The following COL9A1 variants were observed in gnomAD, a reference collection of about 807,000 sequenced individuals.
COL9A1 encodes collagen type IX alpha 1 chain.
In COL9A1, 104 loss-of-function variants were observed where a neutral mutation model predicts 142.6. That is an observed-to-expected ratio of 0.73 (90% CI 0.62 to 0.86). The LOEUF (loss-of-function observed/expected upper bound fraction) is 0.86, where lower values mean the gene tolerates loss of function less well. COL9A1 is among the 40% of genes least tolerant of loss of function. COL9A1 has a pLI of 0.00. For missense variants in COL9A1, 1,210 were observed against 1,176.6 expected (o/e 1.03, Z -0.42); for synonymous variants, 466 against 396.0 (o/e 1.18, Z -2.10).
chr6:70,241,434 AC>A lies in COL9A1; in HGVS notation c.2018del (p.Gly673ValfsTer24). 2 of 1,611,078 alleles carry A rather than the reference AC, an allele frequency of 1.2e-6. No homozygotes were observed. Among genetic ancestry groups the A allele is most frequent in the Non-Finnish European group, 1.7e-6 (2 of 1,177,182 alleles). ...TAAGACTGACCTGTTCACCCTTTGG[AC>A]CCGGTTCACCGACTACACCCTGTAA... ...KGDRGVVGEPGPKGEQGASGE... is the reference protein window; with the variant it reads ...KGDRGVVGEPXPKGEQGASGE... On this transcript the variant is annotated frameshift_variant, in exon 31 of 38. Coordinates refer to ENST00000357250, the MANE Select transcript of COL9A1 (RefSeq NM_001851.6). LOFTEE classifies it high-confidence loss of function.
intron 32 of COL9A1, 47 bp from the exon 33 acceptor site, chr6:70,239,333 G>C (rs780405337): frequency 3.2e-6 from 4 of 1,264,116 alleles, no homozygotes; most frequent in African/African-American, 1.5e-5. Context: ...ATTCACATTT[G>C]ATAATTTCCT....
chr6:70,280,006 G>A, intron 10 of COL9A1: 2 of 699,424 alleles, frequency 2.9e-6, no homozygotes, highest in South Asian at 1.6e-5. Context: ...CAAAATCAAG[G>A]ACTGGTCTGT....
At chr6:70,256,697 T>C (rs1771317567) in intron 21 of COL9A1, 71 bp downstream of exon 21, 3 of 1,253,550 alleles carry the variant, frequency 2.4e-6, no homozygotes, top group South Asian at 2.5e-5. Context: ...TAAACAATAC[T>C]GCACACACAT....
chr6:70,255,202 C>G lies in COL9A1; in HGVS notation c.1559G>C (p.Gly520Ala). 6.2e-7 allele frequency: 1 copy of G among 1,614,070 alleles called. No homozygotes were observed. The highest frequency in any genetic ancestry group is 8.5e-7 in the Non-Finnish European group (1 of 1,179,980). Residue 520 changes from glycine (G) to alanine (A), a missense_variant and splice_region_variant, in exon 23 of 38, where the codon GGG (glycine) becomes GCG (alanine). Physicochemically the swap from Gly to Ala is moderately conservative, Grantham distance 60. Transcript: ENST00000357250. ...AGGAATTCCTCTAGCACCTTCAGCCCCCTGCAGGGAGGAAGAGAAAGAATA... is the reference window on the plus strand; with the variant it reads ...AGGAATTCCTCTAGCACCTTCAGCCGCCTGCAGGGAGGAAGAGAAAGAATA... ...PGEAGPKGDR[G>A]AEGARGIPGL...
intron 17 of COL9A1, among the ~76,000 whole-genome samples, chr6:70,268,318 G>T (rs1772163034): frequency 6.6e-6 from 1 of 151,866 alleles, no homozygotes; most frequent in Non-Finnish European, 1.5e-5. Flanking sequence ...GAGCTCAAGT[G>T]ATCCTCCCAC....
chr6:70,278,229 C>G (rs777967571), intron 10 of COL9A1, among the ~76,000 whole-genome samples: 1 of 152,158 alleles, frequency 6.6e-6, no homozygotes, highest in Admixed American at 6.5e-5. Flanking sequence ...TTCACTATCA[C>G]TTTTTCTCTC....
chr6:70,254,562 C>G, intron 24 of COL9A1, 33 bp from the exon 25 acceptor site: 2 of 1,599,972 alleles, frequency 1.3e-6, no homozygotes, highest in Non-Finnish European at 1.7e-6. Context: ...ATGATTGAAC[C>G]TGTATGAGCT....
intron 8 of COL9A1, 58 bp downstream of exon 8, chr6:70,281,332 A>G (rs1170149669): frequency 2.6e-6 from 4 of 1,517,916 alleles, no homozygotes; most frequent in Middle Eastern, 1.8e-4. Context: ...GAGCCCTGGG[A>G]AAAGAATAGG....
At position 70,268,832 on chromosome 6, in the gene COL9A1, G is replaced by T; in HGVS notation, c.1259C>A (p.Ser420Ter). Reference sequence around the variant, plus strand: ...CATGCCTGGTAGGCCTGGATATCCTGAGCGACCTGGTGGACAGGCATTGGG... The same window carrying T: ...CATGCCTGGTAGGCCTGGATATCCTTAGCGACCTGGTGGACAGGCATTGGG... The part of the protein sequence containing the change: ...LCPNACPPGR[S>*]GYPGLPGMRG... The change falls in exon 17 of 38, where the codon TCA becomes TAA. Residue 420 changes from serine (S) to a stop codon, truncating the protein, a stop_gained. Coordinates refer to ENST00000357250, the MANE Select transcript of COL9A1 (RefSeq NM_001851.6). LOFTEE classifies it high-confidence loss of function. The T allele has an allele frequency of 1.2e-6, 2 of 1,613,922 alleles. No individual in the cohort carries two copies. Among genetic ancestry groups the T allele is most frequent in the South Asian group, 2.2e-5 (2 of 91,054 alleles).
chr6:70,245,643 CA>C (rs1770547941), intron 28 of COL9A1: 1 of 152,018 alleles, frequency 6.6e-6, no homozygotes, highest in Admixed American at 6.6e-5. Context: ...GGAATAAAGG[CA>C]AAAATCCTAC....
chr6:70,295,445 C>T (rs1421697942), intron 4 of COL9A1, among the ~76,000 whole-genome samples: 6 of 151,746 alleles, frequency 4.0e-5, no homozygotes, highest in Non-Finnish European at 8.8e-5. Context: ...CACCATTATG[C>T]CTGGCTAATT....
chr6:70,301,878 G>T, intron 2 of COL9A1, 123 bp downstream of exon 2: 1 of 792,780 alleles, frequency 1.3e-6, no homozygotes, highest in Non-Finnish European at 2.1e-6. Flanking sequence ...CCCCAAAGCT[G>T]GATTGAAGAG....
chr6:70,265,326 G>T (rs1470539274), intron 18 of COL9A1, among the ~76,000 whole-genome samples: 1 of 151,986 alleles, frequency 6.6e-6, no homozygotes, highest in African/African-American at 2.4e-5. Context: ...GAAGGAGAAA[G>T]GGATACAAAC....
chr6:70,223,773 C>T (rs576044589), intron 37 of COL9A1, among the ~76,000 whole-genome samples: 37 of 152,336 alleles, frequency 2.4e-4, no homozygotes, highest in Middle Eastern at 3.4e-3. Flanking sequence ...TAATCTGGAA[C>T]TCAGATTTGT....
At chr6:70,249,520 G>T (rs916847668) in intron 28 of COL9A1, among the ~76,000 whole-genome samples, 3 of 152,046 alleles carry the variant, frequency 2.0e-5, no homozygotes, top group African/African-American at 7.2e-5. Context: ...CCTGAGCCAG[G>T]GTGATAGTAG....
Position 70,216,778 on chromosome 6 carries a change from G to T in COL9A1, c.*119C>A. 1.0e-6 allele frequency: 1 copy of T among 988,230 alleles called. No individual in the cohort carries two copies. The highest frequency in any genetic ancestry group is 1.6e-6 in the Non-Finnish European group (1 of 632,546). The allele number at this position is 988,230 out of a possible 1,614,324, so 61.2% of individuals were successfully genotyped here. On this transcript the variant is annotated 3_prime_UTR_variant, in exon 38 of 38. Transcript: ENST00000357250. ...TAGGACTTCTGTAATCATACTGAAGGTAATACATTGTAATCATGCTGAAGG... is the reference window on the plus strand; with the variant it reads ...TAGGACTTCTGTAATCATACTGAAGTTAATACATTGTAATCATGCTGAAGG...
chr6:70,296,336 T>G (rs532039058), intron 4 of COL9A1, among the ~76,000 whole-genome samples: 2 of 152,272 alleles, frequency 1.3e-5, no homozygotes, highest in African/African-American at 4.8e-5. Flanking sequence ...ACTGGTGACA[T>G]GTATTAATCT....
chr6:70,272,237 A>C, intron 12 of COL9A1, 149 bp from the exon 13 acceptor site: 191 of 567,172 alleles, frequency 3.4e-4, no homozygotes, highest in Middle Eastern at 1.0e-3. Context: ...AGAAAAGCAA[A>C]CACGGCTCTG....
chr6:70,299,144 G>T (rs1773958273), intron 4 of COL9A1, among the ~76,000 whole-genome samples: 1 of 151,970 alleles, frequency 6.6e-6, no homozygotes, highest in African/African-American at 2.4e-5. Flanking sequence ...TATATAGTAG[G>T]TTCAAAATAT....
Sources: allele counts gnomAD v4.1 joint callset (sites outside exome capture counted in the v4.1 genomes callset), GRCh38; gene constraint gnomAD v4.1.1; transcripts MANE v1.5; gene names NCBI Gene and HGNC (gene_info 2026-07-23, HGNC 2026-07-21).